Variants in COL24A1 observed in about 807,000 individuals in gnomAD.
COL24A1 encodes collagen type XXIV alpha 1 chain.
Under a neutral mutation model 253.9 loss-of-function variants are expected in COL24A1, and 224 were observed. The observed-to-expected ratio is 0.88, with a 90% CI of 0.79 to 0.99. The LOEUF is 0.99. COL24A1 is among the 50% of genes least tolerant of loss of function. COL24A1 has a pLI of 0.00. For missense variants in COL24A1, 2,131 were observed against 2,068.5 expected, an observed-to-expected ratio of 1.03 and a Z score of -0.59; for synonymous variants, 685 against 673.7, an observed-to-expected ratio of 1.02 and a Z score of -0.26.
At chr1:85,778,510 G>GA (rs530560282) in intron 52 of COL24A1, among the ~76,000 whole-genome samples, 3 of 149,554 alleles carry the variant, frequency 2.0e-5, no homozygotes, top group South Asian at 2.1e-4. Context: ...CATACAAAAT[G>GA]AAAAAAAAAT....
intron 32 of COL24A1, among the ~76,000 whole-genome samples, chr1:85,887,401 T>G (rs1682639982): frequency 6.6e-6 from 1 of 152,154 alleles, no homozygotes; most frequent in Non-Finnish European, 1.5e-5. Context: ...ACATTATTTG[T>G]TACAAGGTTT....
At chr1:85,985,642 C>A in intron 20 of COL24A1, among the ~76,000 whole-genome samples, 1 of 151,682 alleles carries the variant, frequency 6.6e-6, no homozygotes, top group Non-Finnish European at 1.5e-5. Flanking sequence ...TAAAGGGTGC[C>A]TAACTACAAG....
At chr1:86,066,820 A>AAT (rs113630335) in intron 7 of COL24A1, among the ~76,000 whole-genome samples, 3,556 of 152,216 alleles carry the variant, frequency 0.023, 51 homozygotes, top group Middle Eastern at 0.068. Context: ...GCTGTCACTG[A>AAT]ATAAAAAACA....
At chr1:85,939,885 G>T (rs975281517) in intron 24 of COL24A1, among the ~76,000 whole-genome samples, 1 of 151,890 alleles carries the variant, frequency 6.6e-6, no homozygotes, top group African/African-American at 2.4e-5. Flanking sequence ...GATATATACT[G>T]CCCTCTTAAT....
chr1:86,070,031 CAG>C (rs1701765580), intron 7 of COL24A1, among the ~76,000 whole-genome samples: 1 of 152,172 alleles, frequency 6.6e-6, no homozygotes. Context: ...ACCTTTCAAA[CAG>C]AGAATTCAAA....
chr1:86,125,884 G>A lies in COL24A1; in HGVS notation c.452C>T (p.Pro151Leu), dbSNP rs1027819. 13,649 of 1,613,108 alleles carry A rather than the reference G, an allele frequency of 8.5e-3. 1,010 individuals carry two copies. The African/African-American group carries it at 0.16, about 19-fold the overall frequency. Residue 151 changes from proline to leucine, a missense_variant, in exon 3 of 60, where the codon CCT becomes CTT. Physicochemically the swap from Pro to Leu is moderately conservative, Grantham distance 98 (BLOSUM62 -3). Coordinates refer to ENST00000370571, the MANE Select transcript of COL24A1 (RefSeq NM_152890.7). Reference sequence around the variant, plus strand: ...ATGAACACTGTAGTTGAAAACTGCAGGCTGCTTTCCTCTAATGTGTACTAC... The same window carrying A: ...ATGAACACTGTAGTTGAAAACTGCAAGCTGCTTTCCTCTAATGTGTACTAC... ...KLVVHIRGKQ[P>L]AVFNYSVHDE... is the part of the protein sequence containing the mutation.
intron 5 of COL24A1, among the ~76,000 whole-genome samples, chr1:86,112,329 A>G (rs1299512373): frequency 6.6e-6 from 1 of 152,202 alleles, no homozygotes; most frequent in Non-Finnish European, 1.5e-5. Flanking sequence ...ATTTTGGAAT[A>G]CTAAGCAGGC....
intron 47 of COL24A1, among the ~76,000 whole-genome samples, chr1:85,803,582 T>G (rs1671663527): frequency 7.7e-6 from 1 of 129,988 alleles, no homozygotes. Flanking sequence ...GGATATAGGT[T>G]TGCACTTTTT....
At chr1:85,951,617 T>G (rs2100583518) in intron 24 of COL24A1, among the ~76,000 whole-genome samples, 1 of 152,252 alleles carries the variant, frequency 6.6e-6, no homozygotes, top group East Asian at 1.9e-4. Flanking sequence ...AATAAAAATT[T>G]TTTACAATTT....
At chr1:85,839,211 C>T (rs1365299958) in intron 42 of COL24A1, among the ~76,000 whole-genome samples, 2 of 151,550 alleles carry the variant, frequency 1.3e-5, no homozygotes, top group African/African-American at 4.8e-5. Flanking sequence ...ACAACAACAG[C>T]AGCAACAGCA....
intron 43 of COL24A1, among the ~76,000 whole-genome samples, chr1:85,826,584 A>G (rs1177000537): frequency 1.3e-4 from 19 of 149,742 alleles, no homozygotes; most frequent in African/African-American, 2.7e-4. Context: ...ATTTGTTTGT[A>G]TCCTCTTTTA....
rs373682954 is a variant in COL24A1 at position 85,730,486 on chromosome 1, T to C, written c.*60A>G. The C allele has an allele frequency of 4.5e-6, 7 of 1,569,600 alleles. No homozygotes were observed. Among genetic ancestry groups the C allele is most frequent in the African/African-American group, 4.1e-5 (3 of 74,020 alleles). ...ATAATGACTGTATCTGTCTGTCTTA[T>C]TTCTCCCTCTGCAGCAATTACCTGG... On this transcript the variant is annotated 3_prime_UTR_variant, in exon 60 of 60. Coordinates refer to ENST00000370571, the MANE Select transcript of COL24A1 (RefSeq NM_152890.7).
chr1:85,873,581 C>T (rs1342802679), intron 35 of COL24A1, among the ~76,000 whole-genome samples: 2 of 152,068 alleles, frequency 1.3e-5, no homozygotes, highest in African/African-American at 2.4e-5. Context: ...AGCAAATTAT[C>T]ACAAGGAGAA....
At chr1:85,996,356 T>C (rs1694787102) in intron 19 of COL24A1, among the ~76,000 whole-genome samples, 1 of 152,132 alleles carries the variant, frequency 6.6e-6, no homozygotes, top group Non-Finnish European at 1.5e-5. Flanking sequence ...TATATATCTG[T>C]CTCAGAATTC....
At chr1:86,097,096 A>G (rs1227244080) in intron 5 of COL24A1, among the ~76,000 whole-genome samples, 3 of 152,102 alleles carry the variant, frequency 2.0e-5, no homozygotes, top group Admixed American at 6.5e-5. Context: ...ATTTCTATAT[A>G]CCCAGGATAA....
chr1:85,849,471 T>C, intron 37 of COL24A1, 65 bp from the exon 38 acceptor site: 2 of 1,172,950 alleles, frequency 1.7e-6, no homozygotes, highest in Non-Finnish European at 2.5e-6. Context: ...AGTATTTGAA[T>C]ACTTCTATCA....
rs754088548 is a variant in COL24A1, at chr1:86,033,907, A to T, written c.1967T>A (p.Phe656Tyr). Residue 656 changes from phenylalanine (F) to tyrosine (Y), a missense_variant, in exon 13 of 60, where the codon TTT becomes TAT. By Grantham distance (22) the Phe-to-Tyr change is conservative. Coordinates refer to ENST00000370571, the MANE Select transcript of COL24A1 (RefSeq NM_152890.7). ...FKGRQGFPGD[F>Y]GDRGPAGLDG... ...AAGACCAGCAGGGCCTCTGTCTCCA[A>T]AGTCACCTGGAAAACCCTGTCACAG... 7 of 1,595,902 alleles carry T rather than the reference A, an allele frequency of 4.4e-6. No homozygotes were observed. Among genetic ancestry groups the T allele is most frequent in the Non-Finnish European group, 8.5e-7 (1 of 1,172,734 alleles).
At position 86,146,132 on chromosome 1, in the gene COL24A1, A is replaced by G. The variant is rs780892212; in HGVS notation, c.108T>C (p.His36=). ...TAATTTTCTTACCTTGTTCTTGTGC[A>G]TGAACAACCACCCCAGCCACACATA... ...IVLCVAGVVV[H]AQEQGIDILH... is the part of the protein sequence containing the mutation. Residue 36 remains histidine, a synonymous_variant, in exon 2 of 60, where the codon CAT becomes CAC. Transcript: ENST00000370571. 2.5e-5 allele frequency: 40 copies of G among 1,611,474 alleles called. No individual in the cohort carries two copies. Among genetic ancestry groups the G allele is most frequent in the South Asian group, 5.5e-5 (5 of 90,424 alleles).
At chr1:86,046,764 A>G in intron 12 of COL24A1, 61 bp downstream of exon 12, 1 of 1,575,544 alleles carries the variant, frequency 6.3e-7, no homozygotes, top group Non-Finnish European at 8.7e-7. Flanking sequence ...TTAATAAGTA[A>G]GAACACATAA....
Sources: gnomAD v4.1 joint callset for allele counts (sites outside exome capture counted in the v4.1 genomes callset) on GRCh38, gnomAD v4.1.1 for gene constraint, MANE v1.5 for transcripts, NCBI Gene and HGNC (gene_info 2026-07-23, HGNC 2026-07-21) for gene names.